The following MDN1 variants were observed in gnomAD, a reference collection of about 807,000 sequenced individuals.
MDN1 encodes midasin AAA ATPase 1.
Under a neutral mutation model 669.2 loss-of-function variants are expected in MDN1, and 266 were observed. The observed-to-expected ratio is 0.40, with a 90% CI of 0.36 to 0.44. MDN1 has a LOEUF of 0.44. MDN1 is among the 20% of genes least tolerant of loss of function. MDN1 has a pLI of 1.00. For synonymous variants in MDN1, 2,385 were observed against 2,457.1 expected (o/e 0.97, Z 0.87); for missense variants, 5,940 against 6,754.0 (o/e 0.88, Z 4.22).
intron 4 of MDN1, 68 bp downstream of exon 4, chr6:89,794,032 G>T: frequency 7.0e-7 from 1 of 1,418,854 alleles, no homozygotes; most frequent in Non-Finnish European, 9.7e-7. Flanking sequence ...CCTCTGGCCT[G>T]TCACCCCCAG....
intron 83 of MDN1, among the ~76,000 whole-genome samples, chr6:89,669,256 G>A (rs984314666): frequency 2.0e-5 from 3 of 152,142 alleles, no homozygotes; most frequent in Non-Finnish European, 2.9e-5. Context: ...CAAGGCACCC[G>A]AACCACACAT....
chr6:89,784,175 A>G (rs1423293248), intron 9 of MDN1, among the ~76,000 whole-genome samples: 1 of 151,654 alleles, frequency 6.6e-6, no homozygotes, highest in East Asian at 1.9e-4. Context: ...AAAATAGCCA[A>G]AAGTGGTGGT....
chr6:89,722,288 TA>T (rs1814881051), intron 40 of MDN1, among the ~76,000 whole-genome samples: 1 of 152,214 alleles, frequency 6.6e-6, no homozygotes. Flanking sequence ...GACATTTATT[TA>T]AAAACAAAAC....
chr6:89,793,982 A>G (rs1819426897), intron 4 of MDN1, 28 bp from the exon 5 acceptor site: 3 of 1,566,322 alleles, frequency 1.9e-6, no homozygotes, highest in Non-Finnish European at 1.8e-6. Flanking sequence ...CTCGTCAATT[A>G]CCTTACCACT....
At chr6:89,719,110 A>C (rs755496790) in intron 41 of MDN1, 26 bp downstream of exon 41, 1 of 1,611,778 alleles carries the variant, frequency 6.2e-7, no homozygotes, top group South Asian at 1.1e-5. Flanking sequence ...ATGTCAAAGG[A>C]TAGAGGATTA....
chr6:89,743,205 A>G lies in MDN1; in HGVS notation c.4393T>C (p.Phe1465Leu), dbSNP rs1816383408. Residue 1465 changes from phenylalanine (F) to leucine (L), a missense_variant, in exon 31 of 102, where the codon TTC (phenylalanine) becomes CTC (leucine). Physicochemically the swap from Phe to Leu is conservative, Grantham distance 22 (BLOSUM62 0). Coordinates refer to ENST00000369393, the MANE Select transcript of MDN1 (RefSeq NM_014611.3). ...LVQAMKEDGF[F>L]LLDEISLADD... ...GCCAATGAGATCTCATCCAAGAGGAAAAAGCCGTCCTCCTTCATGGCCTGA... is the reference window on the plus strand; with the variant it reads ...GCCAATGAGATCTCATCCAAGAGGAGAAAGCCGTCCTCCTTCATGGCCTGA... The G allele has an allele frequency of 6.2e-7, 1 of 1,614,072 alleles. No homozygotes were observed. Among genetic ancestry groups the G allele is most frequent in the African/African-American group, 1.3e-5 (1 of 74,924 alleles).
In MDN1 at chr6:89,772,643, C is replaced by T. The variant is rs1444725886; in HGVS notation, c.2013G>A (p.Glu671=). ...CGGTCTCTCCCACCAGCAACACAGG[C>T]TCCCCTTTGCTGACACACACTGCAA... ...EQLAVCVSKG[E]PVLLVGETGT... Residue 671 remains glutamate, a synonymous_variant, in exon 14 of 102, where the codon GAG becomes GAA. Transcript: ENST00000369393. 1 of 1,614,128 alleles carries T rather than the reference C, an allele frequency of 6.2e-7. No homozygotes were observed. Among genetic ancestry groups the T allele is most frequent in the Admixed American group, 1.7e-5 (1 of 60,012 alleles).
At chr6:89,747,574 A>C in intron 26 of MDN1, 104 bp from the exon 27 acceptor site, 1 of 1,245,668 alleles carries the variant, frequency 8.0e-7, no homozygotes, top group Non-Finnish European at 1.1e-6. Context: ...GCTCCCATTT[A>C]AATGATTTCA....
chr6:89,660,355 T>C (rs1041540552), intron 88 of MDN1, among the ~76,000 whole-genome samples: 10 of 151,996 alleles, frequency 6.6e-5, no homozygotes, highest in African/African-American at 2.4e-4. Flanking sequence ...CAACTAATTT[T>C]TTTTTCTTTG....
chr6:89,711,705 A>G (rs1020767309), intron 49 of MDN1, among the ~76,000 whole-genome samples: 6 of 152,248 alleles, frequency 3.9e-5, no homozygotes, highest in African/African-American at 1.4e-4. Context: ...TTTCCCATAT[A>G]GAATGGTTCT....
chr6:89,708,377 C>G, intron 51 of MDN1, 119 bp downstream of exon 51: 1 of 1,277,214 alleles, frequency 7.8e-7, no homozygotes, highest in South Asian at 1.5e-5. Context: ...TCCAACACCC[C>G]ACAACTTCTC....
In MDN1 at chr6:89,787,980, C is replaced by A. The variant is rs1010605993; in HGVS notation, c.1231-23G>T. The A allele has an allele frequency of 5.8e-6, 9 of 1,558,334 alleles. No individual in the cohort carries two copies. The Admixed American group carries it at 1.0e-4, about 18-fold the overall frequency. On this transcript the variant is annotated intron_variant, in intron 7 of 101. Coordinates refer to ENST00000369393, the MANE Select transcript of MDN1 (RefSeq NM_014611.3). ...AACCTAAATCAGATAACAACAACCG[C>A]ACTGATAAAGTAAAGCTATTAAGAC...
In MDN1 at chr6:89,819,749, G is replaced by A; in HGVS notation, c.-142C>T. On this transcript the variant is annotated 5_prime_UTR_variant, in exon 1 of 102. Coordinates refer to ENST00000369393, the MANE Select transcript of MDN1 (RefSeq NM_014611.3). The stretch of plus-strand genomic sequence containing the variant: ...TCCTCAGCTCCAGCGCCTACACCGG[G>A]AGAGGGGCACCACACGTGGGTGAGC... 1 of 662,008 alleles carries A rather than the reference G, an allele frequency of 1.5e-6. No individual in the cohort carries two copies. Among genetic ancestry groups the A allele is most frequent in the Non-Finnish European group, 2.7e-6 (1 of 376,118 alleles). The allele number at this position is 662,008 out of a possible 1,614,324, so 41.0% of individuals were successfully genotyped here.
chr6:89,778,484 C>T (rs936575385), intron 11 of MDN1, among the ~76,000 whole-genome samples: 4 of 151,988 alleles, frequency 2.6e-5, no homozygotes, highest in Non-Finnish European at 5.9e-5. Flanking sequence ...ATTAAAAATA[C>T]AGGATTTACT....
intron 84 of MDN1, 83 bp downstream of exon 84, chr6:89,667,930 TA>T: frequency 1.3e-6 from 2 of 1,546,578 alleles, no homozygotes; most frequent in Non-Finnish European, 1.8e-6. Context: ...ATTAACCTAG[TA>T]AAAACCATTT....
chr6:89,758,477 T>G, intron 18 of MDN1, 126 bp from the exon 19 acceptor site: 1 of 770,786 alleles, frequency 1.3e-6, no homozygotes, highest in South Asian at 1.8e-5. Context: ...CCCACTGAAA[T>G]AACTTTCCAG....
chr6:89,772,686 G>A lies in MDN1; in HGVS notation c.1970C>T (p.Ser657Phe). 6.2e-7 allele frequency: 1 copy of A among 1,614,068 alleles called. No homozygotes were observed. Among genetic ancestry groups the A allele is most frequent in the Non-Finnish European group, 8.5e-7 (1 of 1,179,970 alleles). Residue 657 changes from serine (S) to phenylalanine (F), a missense_variant, in exon 14 of 102, where the codon TCT becomes TTT. This residue lies in a region of MDN1 where 1,203 missense variants were observed against 1,268.9 expected (regional missense o/e 0.95). Transcript: ENST00000369393. ...CACTGCAAGCTGCTCGATGAGAACA[G>A]AGGACGGCCGTGTAGCAGCGAAAGT... Reference protein sequence around the residue: ...KFTFAATRPSSVLIEQLAVCV... With the variant: ...KFTFAATRPSFVLIEQLAVCV...
intron 61 of MDN1, among the ~76,000 whole-genome samples, chr6:89,694,852 C>T (rs1175741536): frequency 6.6e-6 from 1 of 152,130 alleles, no homozygotes; most frequent in Non-Finnish European, 1.5e-5. Context: ...CACACCCAGC[C>T]TCTACTTGAT....
In MDN1 at chr6:89,749,750, A is replaced by T. The variant is rs1239905358; in HGVS notation, c.3408T>A (p.Gly1136=). 5 of 1,601,810 alleles carry T rather than the reference A, an allele frequency of 3.1e-6. No homozygotes were observed. The highest frequency in any genetic ancestry group is 4.3e-6 in the Non-Finnish European group (5 of 1,169,036). Residue 1136 remains glycine, a splice_region_variant and synonymous_variant, in exon 25 of 102, where the codon GGT becomes GGA. Coordinates refer to ENST00000369393, the MANE Select transcript of MDN1 (RefSeq NM_014611.3). ...DSSGKLVFKE[G]VLIDAMRKGY... ...CTTTTCTCATGGCATCAATAAGAAC[A>T]CCTAGGAAGAAACAAACAGCAAGAA...
Sources: gnomAD v4.1 joint callset for allele counts (sites outside exome capture counted in the v4.1 genomes callset) on GRCh38, gnomAD v4.1.1 for gene constraint, gnomAD v4.1.1 regional missense constraint, MANE v1.5 for transcripts, NCBI Gene and HGNC (gene_info 2026-07-23, HGNC 2026-07-21) for gene names.